EMC2: variants seen among roughly 807,000 people sequenced by gnomAD.
EMC2 encodes the protein ER membrane protein complex subunit 2, also known as TPR repeat protein 35.
Under a neutral mutation model 51.6 loss-of-function variants are expected in EMC2, and 37 were observed. The ratio of observed to expected loss-of-function variants is 0.72; its 90% CI spans 0.55 to 0.94. EMC2 has a LOEUF of 0.94. Among genes scored for constraint, EMC2 ranks in the 40% least tolerant of loss-of-function variants. The pLI is 0.00. For missense variants in EMC2, 359 were observed against 350.9 expected, an observed-to-expected ratio of 1.02 and a Z score of -0.18; for synonymous variants, 131 against 112.4, an observed-to-expected ratio of 1.17 and a Z score of -1.04.
intron 5 of EMC2, among the ~76,000 whole-genome samples, chr8:108,457,579 T>C (rs1174887345): frequency 6.6e-6 from 1 of 152,036 alleles, no homozygotes; most frequent in Admixed American, 6.6e-5. Context: ...CAAAGAGAGC[T>C]TGTGCAGGGA....
rs534809364 is a variant in EMC2 at position 108,448,937 on chromosome 8, T to G, written c.41-886T>G. On this transcript the variant is annotated intron_variant, in intron 1 of 10. Coordinates refer to ENST00000220853, the MANE Select transcript of EMC2 (RefSeq NM_014673.5). ...GCTCAGCATTTTTAAGTTGTTCTTC[T>G]GTACCTTTAAAAACAAACTTTAAAG... Among the ~76,000 whole-genome samples the G allele has an allele frequency of 2.6e-5, 4 of 152,366 alleles. No homozygotes were observed. The South Asian group carries it at 6.2e-4, about 24-fold the overall frequency.
intron 5 of EMC2, among the ~76,000 whole-genome samples, chr8:108,460,120 A>G (rs1454449314): frequency 2.0e-5 from 3 of 152,234 alleles, no homozygotes; most frequent in African/African-American, 4.8e-5. Flanking sequence ...AAAAACTGAA[A>G]TCAGATTTCT....
rs71303983 is a variant in EMC2, at chr8:108,449,275, C to CT, written c.41-532dup. On this transcript the variant is annotated intron_variant, in intron 1 of 10. Transcript: ENST00000220853. Reference sequence around the variant, plus strand: ...CCACAGGCGGGTGCCACCATGCTGCCTTTTTTTTTTTTTTTTGAGACAAAG... The same window carrying CT: ...CCACAGGCGGGTGCCACCATGCTGCCTTTTTTTTTTTTTTTTTGAGACAAAG... Among the ~76,000 whole-genome samples, 328 of 128,858 alleles carry CT rather than the reference C, an allele frequency of 2.5e-3. 7 individuals carry two copies. The highest frequency in any genetic ancestry group is 0.016 in the Admixed American group (216 of 13,130). The allele number at this position is 128,858 out of a possible 152,430, so 84.5% of individuals were successfully genotyped here.
intron 10 of EMC2, 145 bp from the exon 11 acceptor site, chr8:108,486,367 T>G: frequency 8.1e-7 from 1 of 1,227,180 alleles, no homozygotes; most frequent in Non-Finnish European, 1.1e-6. Flanking sequence ...ATTTTATTCT[T>G]ATTGAAAAAG....
chr8:108,455,348 C>T (rs571876183), intron 4 of EMC2, among the ~76,000 whole-genome samples: 57 of 152,244 alleles, frequency 3.7e-4, no homozygotes, highest in African/African-American at 1.3e-3. Context: ...CCAAGCCCAT[C>T]AAAGGCATTC....
At chr8:108,449,986 C>CT (rs35895559) in intron 2 of EMC2, 50 bp downstream of exon 2, 14,438 of 486,406 alleles carry the variant, frequency 0.03, 106 homozygotes, top group African/African-American at 0.079. Flanking sequence ...ATTCATGGGC[C>CT]TTTTTTTTTT....
chr8:108,468,601 C>T (rs1230016086), intron 5 of EMC2, among the ~76,000 whole-genome samples: 1 of 152,074 alleles, frequency 6.6e-6, no homozygotes, highest in African/African-American at 2.4e-5. Flanking sequence ...TTCATTTCTT[C>T]AGAGCCAAAT....
intron 7 of EMC2, 135 bp downstream of exon 7, chr8:108,470,256 C>T (rs1810827469): frequency 1.6e-6 from 1 of 611,624 alleles, no homozygotes; most frequent in Non-Finnish European, 2.9e-6. Context: ...AACAAATCAA[C>T]AATTAAATGA....
chr8:108,486,317 T>C (rs1351846260), intron 10 of EMC2, among the ~76,000 whole-genome samples, 195 bp from the exon 11 acceptor site: 1 of 151,952 alleles, frequency 6.6e-6, no homozygotes, highest in Non-Finnish European at 1.5e-5. Context: ...ACACTTCAGC[T>C]GAAGGTAAGA....
intron 10 of EMC2, among the ~76,000 whole-genome samples, chr8:108,481,853 AT>A (rs1384326976): frequency 1.3e-5 from 2 of 151,774 alleles, no homozygotes; most frequent in African/African-American, 4.8e-5. Context: ...AGTTTATGGG[AT>A]TTATCCTTGT....
intron 4 of EMC2, among the ~76,000 whole-genome samples, chr8:108,454,770 T>C (rs1004495739): frequency 3.9e-5 from 6 of 152,128 alleles, no homozygotes; most frequent in African/African-American, 1.4e-4. Flanking sequence ...GCAGGTCTGC[T>C]GACAGCAAAT....
chr8:108,462,567 G>A (rs1164028107), intron 5 of EMC2, among the ~76,000 whole-genome samples: 1 of 151,996 alleles, frequency 6.6e-6, no homozygotes, highest in East Asian at 1.9e-4. Flanking sequence ...TTCTGAAAAG[G>A]CTTTTTATTC....
chr8:108,451,030 C>G (rs994911180), intron 3 of EMC2, among the ~76,000 whole-genome samples: 1 of 151,988 alleles, frequency 6.6e-6, no homozygotes, highest in African/African-American at 2.4e-5. Flanking sequence ...GGTGAAACCC[C>G]GTCTCTAGTA....
intron 4 of EMC2, among the ~76,000 whole-genome samples, chr8:108,455,112 C>G (rs1254619294): frequency 6.6e-6 from 1 of 151,834 alleles, no homozygotes; most frequent in Non-Finnish European, 1.5e-5. Flanking sequence ...AGTTTTGTGT[C>G]TATCATAAGT....
Position 108,469,889 on chromosome 8 carries a change from G to T in EMC2, c.427G>T (p.Glu143Ter). 6.2e-7 allele frequency: 1 copy of T among 1,612,572 alleles called. No individual in the cohort carries two copies. Among genetic ancestry groups the T allele is most frequent in the South Asian group, 1.1e-5 (1 of 91,010 alleles). The change falls in exon 6 of 11, where the codon GAG (glutamate) becomes TAG (stop). Residue 143 changes from glutamate (E) to a stop codon, truncating the protein, a stop_gained. Coordinates refer to ENST00000220853, the MANE Select transcript of EMC2 (RefSeq NM_014673.5). LOFTEE classifies it high-confidence loss of function. ...AQGKNVEAIR[E>*]LNEYLEQFVG... ...GGGGAAAAATGTGGAGGCCATTCGG[G>T]AGCTGAATGAGTATCTGGAACAGTG...
chr8:108,480,104 T>C (rs903442235), intron 10 of EMC2, among the ~76,000 whole-genome samples: 16 of 152,166 alleles, frequency 1.1e-4, no homozygotes, highest in Non-Finnish European at 1.8e-4. Flanking sequence ...GTACATCAGT[T>C]TAGCCCTTTT....
rs1260126745 is a variant in EMC2 at position 108,476,771 on chromosome 8, A to G, written c.592-11A>G. On this transcript the variant is annotated splice_polypyrimidine_tract_variant and intron_variant, in intron 8 of 10. Coordinates refer to ENST00000220853, the MANE Select transcript of EMC2 (RefSeq NM_014673.5). ...AATAAACAGTTTTCAGCACTTTGCA[A>G]TTTTTAACAGGTTAAGTATACCCAA... 1.5e-6 allele frequency: 2 copies of G among 1,354,706 alleles called. No individual in the cohort carries two copies. The highest frequency in any genetic ancestry group is 2.1e-6 in the Non-Finnish European group (2 of 945,040). The allele number at this position is 1,354,706 out of a possible 1,614,324, so 83.9% of individuals were successfully genotyped here.
chr8:108,481,568 CTA>C (rs1182559199), intron 10 of EMC2, among the ~76,000 whole-genome samples: 10 of 151,924 alleles, frequency 6.6e-5, no homozygotes, highest in African/African-American at 9.7e-5. Context: ...TTTGACATAA[CTA>C]TTTTAAAATC....
intron 1 of EMC2, among the ~76,000 whole-genome samples, chr8:108,445,097 C>G (rs1002882643): frequency 1.3e-5 from 2 of 152,082 alleles, no homozygotes; most frequent in African/African-American, 4.8e-5. Flanking sequence ...CTGTATACTA[C>G]CAACAGACAA....
Sources: gnomAD v4.1 joint callset for allele counts (sites outside exome capture counted in the v4.1 genomes callset) on GRCh38, gnomAD v4.1.1 for gene constraint, MANE v1.5 for transcripts, NCBI Gene and HGNC (gene_info 2026-07-23, HGNC 2026-07-21) for gene names.